UBR4: variants seen among roughly 807,000 people sequenced by gnomAD.
The protein encoded by UBR4 is ubiquitin protein ligase E3 component n-recognin 4, also known as E3 ubiquitin-protein ligase UBR4.
In UBR4, 124 loss-of-function variants were observed where a neutral mutation model predicts 575.6. That is an observed-to-expected ratio of 0.22 (90% CI 0.19 to 0.25). UBR4 has a LOEUF of 0.25. UBR4 is among the 10% of genes least tolerant of loss of function. The probability of loss-of-function intolerance (pLI) is 1.00; values close to 1 mark genes in which losing one functional copy is unlikely to be tolerated. For synonymous variants in UBR4, 2,455 were observed against 2,473.7 expected, an observed-to-expected ratio of 0.99 and a Z score of 0.22; for missense variants, 4,818 against 6,478.8, an observed-to-expected ratio of 0.74 and a Z score of 8.80.
At chr1:19,173,772 G>C (rs1389857688) in intron 22 of UBR4, 151 bp from the exon 23 acceptor site, 1 of 727,334 alleles carries the variant, frequency 1.4e-6, no homozygotes. Context: ...CCATTCTCCA[G>C]ATCTTTCTAG....
intron 69 of UBR4, among the ~76,000 whole-genome samples, 193 bp downstream of exon 69, chr1:19,119,987 C>A (rs1025317445): frequency 6.6e-6 from 1 of 152,172 alleles, no homozygotes; most frequent in Non-Finnish European, 1.5e-5. Context: ...GAAAACAGAT[C>A]GTCTCCTGCC....
chr1:19,112,433 A>G (rs2080004709), intron 78 of UBR4, 91 bp downstream of exon 78: 1 of 1,404,864 alleles, frequency 7.1e-7, no homozygotes. Flanking sequence ...GGTGGTCAGA[A>G]GCACTATTCT....
At chr1:19,111,039 T>C (rs928057541) in intron 78 of UBR4, among the ~76,000 whole-genome samples, 1 of 152,158 alleles carries the variant, frequency 6.6e-6, no homozygotes, top group African/African-American at 2.4e-5. Flanking sequence ...CCGCCTTGCC[T>C]ATGAACAGAA....
chr1:19,088,998 A>T lies in UBR4; in HGVS notation c.14212-21T>A, dbSNP rs1459411195. 10 of 1,610,878 alleles carry T rather than the reference A, an allele frequency of 6.2e-6. No individual in the cohort carries two copies. Among genetic ancestry groups the T allele is most frequent in the Non-Finnish European group, 7.6e-6 (9 of 1,177,460 alleles). On this transcript the variant is annotated intron_variant, in intron 97 of 105. Coordinates refer to ENST00000375254, the MANE Select transcript of UBR4 (RefSeq NM_020765.3). The surrounding 1 kb of genome is among the most constrained non-coding windows in gnomAD (Gnocchi z 4.0). The stretch of plus-strand genomic sequence containing the variant: ...AGAACCTGCCAGTAAGAGACCAGAG[A>T]GACACATGCCTCCAATTATGTAGAC...
At chr1:19,096,038 A>G (rs2078005492) in intron 92 of UBR4, 1 of 228,848 alleles carries the variant, frequency 4.4e-6, no homozygotes, top group Admixed American at 5.3e-5. Context: ...GTCATTTAAA[A>G]CAAAGGCACA....
chr1:19,207,773 G>A (rs1419189558), intron 1 of UBR4, among the ~76,000 whole-genome samples: 4 of 150,792 alleles, frequency 2.7e-5, no homozygotes, highest in Non-Finnish European at 5.9e-5. Flanking sequence ...GCTAAGAGTG[G>A]TTGAAAAAAA....
chr1:19,085,995 G>A (rs2076976202), intron 101 of UBR4, 150 bp downstream of exon 101: 1 of 1,270,004 alleles, frequency 7.9e-7, no homozygotes, highest in Non-Finnish European at 1.1e-6. Flanking sequence ...TGTATGCTCT[G>A]GACAGCTCCC....
Position 19,170,860 on chromosome 1 carries a change from T to C in UBR4, c.3545A>G (p.Asn1182Ser). 6.2e-7 allele frequency: 1 copy of C among 1,614,192 alleles called. No homozygotes were observed. Among genetic ancestry groups the C allele is most frequent in the Non-Finnish European group, 8.5e-7 (1 of 1,180,034 alleles). The stretch of plus-strand genomic sequence containing the variant: ...AGGTTTCTCAGTTGTTCCCTCTTCA[T>C]TAAAGTTTTGCAGCAAATAGGCTCT... Reference protein sequence around the residue: ...FTRAYLLQNFNEEGTTEKPSK... With the variant: ...FTRAYLLQNFSEEGTTEKPSK... The change falls in exon 26 of 106, where the codon AAT (asparagine) becomes AGT (serine). Residue 1182 changes from asparagine (N) to serine (S), a missense_variant. Physicochemically the swap from Asn to Ser is conservative, Grantham distance 46. Transcript: ENST00000375254.
At chr1:19,115,199 G>GCACACACACACA (rs61661086) in intron 74 of UBR4, among the ~76,000 whole-genome samples, 199 bp downstream of exon 74, 1 of 127,058 alleles carries the variant, frequency 7.9e-6, no homozygotes, top group African/African-American at 3.1e-5. Context: ...GTGTGCACAT[G>GCACACACACACA]CACACACACA....
At chr1:19,142,766 A>G (rs967218632) in intron 55 of UBR4, among the ~76,000 whole-genome samples, 2 of 152,254 alleles carry the variant, frequency 1.3e-5, no homozygotes, top group Admixed American at 1.3e-4. Context: ...TATTTGATAT[A>G]CTGGATTAAA....
intron 12 of UBR4, 45 bp downstream of exon 12, chr1:19,187,396 A>T: frequency 6.2e-7 from 1 of 1,612,124 alleles, no homozygotes; most frequent in Non-Finnish European, 8.5e-7. Context: ...CCAGAAGTGG[A>T]TCCCGCAATC....
chr1:19,187,434 T>A lies in UBR4; in HGVS notation c.1494+7A>T. On this transcript the variant is annotated splice_region_variant and intron_variant, in intron 12 of 105. Transcript: ENST00000375254. ...TATGCTGATTACCATGGGGATAACC[T>A]CCTCACCTTGTGAAGGGCCTCCACT... The A allele has an allele frequency of 1.2e-6, 2 of 1,614,078 alleles. No individual in the cohort carries two copies. The highest frequency in any genetic ancestry group is 2.7e-5 in the African/African-American group (2 of 75,060).
intron 87 of UBR4, among the ~76,000 whole-genome samples, chr1:19,102,996 G>A (rs2078801116): frequency 6.6e-6 from 1 of 152,168 alleles, no homozygotes; most frequent in South Asian, 2.1e-4. Context: ...AAAATCCTGA[G>A]GCTCAGAACT....
In UBR4 at chr1:19,089,951, C is replaced by T. The variant is rs1475717901; in HGVS notation, c.14212-974G>A. 2.0e-5 allele frequency among the ~76,000 whole-genome samples: 3 copies of T among 152,252 alleles called. No homozygotes were observed. The highest frequency in any genetic ancestry group is 4.8e-5 in the African/African-American group (2 of 41,464). ...TCTGGCTGTTTACTGTGTGTGCATG[C>T]TTGCACATGTGTGTTTTCGGTGCTG... On this transcript the variant is annotated intron_variant, in intron 97 of 105. Coordinates refer to ENST00000375254, the MANE Select transcript of UBR4 (RefSeq NM_020765.3). The surrounding 1 kb of genome is among the most constrained non-coding windows in gnomAD (Gnocchi z 4.3).
chr1:19,078,025 G>A lies in UBR4; in HGVS notation c.15275C>T (p.Ser5092Phe), dbSNP rs768044717. ...KAVKDYSAYR[S>F]SLLFWALVDL... ...GACGAGGGCCCAAAAGAGAAGGGAA[G>A]AACGGTAAGCGGAATAGTCCTTCAC... The change falls in exon 104 of 106, where the codon TCT becomes TTT. Residue 5092 changes from serine to phenylalanine, a missense_variant. By Grantham distance (155) the Ser-to-Phe change is radical. Transcript: ENST00000375254. The A allele has an allele frequency of 1.9e-5, 30 of 1,613,642 alleles. No homozygotes were observed. Among genetic ancestry groups the A allele is most frequent in the Non-Finnish European group, 2.2e-5 (26 of 1,179,830 alleles).
intron 101 of UBR4, among the ~76,000 whole-genome samples, chr1:19,085,719 G>A (rs980766618): frequency 2.6e-5 from 4 of 152,124 alleles, no homozygotes; most frequent in African/African-American, 9.7e-5. Flanking sequence ...TTAGGACCAG[G>A]AAGGCCTTCT....
intron 11 of UBR4, 102 bp downstream of exon 11, chr1:19,192,086 A>G (rs1000100746): frequency 1.3e-5 from 17 of 1,352,308 alleles, no homozygotes; most frequent in Non-Finnish European, 1.6e-5. Context: ...CCAGGTAGGA[A>G]GGCAAATTTT....
intron 2 of UBR4, among the ~76,000 whole-genome samples, chr1:19,201,322 T>G (rs1169782670): frequency 6.6e-6 from 1 of 152,124 alleles, no homozygotes; most frequent in African/African-American, 2.4e-5. Flanking sequence ...AGAATCCACA[T>G]CCTCACCAAA....
rs1287603924 is a variant in UBR4 at position 19,088,823 on chromosome 1, C to T, written c.14366G>A (p.Arg4789Gln). 8 of 1,613,942 alleles carry T rather than the reference C, an allele frequency of 5.0e-6. No individual in the cohort carries two copies. Among genetic ancestry groups the T allele is most frequent in the Non-Finnish European group, 6.8e-6 (8 of 1,179,988 alleles). Reference sequence around the variant, plus strand: ...CATGGCCATGCGCTTCTTCTCTGCCCGGGTCTCCCTGCGGGCTGCGTCAAT... The same window carrying T: ...CATGGCCATGCGCTTCTTCTCTGCCTGGGTCTCCCTGCGGGCTGCGTCAAT... Reference protein sequence around the residue: ...KKIDAARRETRAEKKRMAMAM... With the variant: ...KKIDAARRETQAEKKRMAMAM... Residue 4789 changes from arginine (R) to glutamine (Q), a missense_variant, in exon 98 of 106, where the codon CGG (arginine) becomes CAG (glutamine). By Grantham distance (43) the Arg-to-Gln change is conservative (BLOSUM62 1). Around this residue, in one of 29 missense-constraint regions of UBR4, gnomAD observed 196 missense variants for 386.8 expected, o/e 0.51. Transcript: ENST00000375254. This position sits in a 1 kb window ranked among gnomAD's most constrained non-coding sequence, Gnocchi z 4.0.
Sources: allele counts gnomAD v4.1 joint callset (sites outside exome capture counted in the v4.1 genomes callset), GRCh38; gene constraint gnomAD v4.1.1; regional missense constraint gnomAD v4.1.1; non-coding constraint Gnocchi (gnomAD v3.1); transcripts MANE v1.5; gene names NCBI Gene and HGNC (gene_info 2026-07-23, HGNC 2026-07-21).